The following AHNAK variants were observed in gnomAD, a reference collection of about 807,000 sequenced individuals.
The protein encoded by AHNAK is AHNAK nucleoprotein, also known as neuroblast differentiation-associated protein AHNAK.
AHNAK carries 23 observed loss-of-function variants against 37.8 expected under a neutral mutation model. The observed-to-expected ratio is 0.61, with a 90% CI of 0.44 to 0.86. The LOEUF (loss-of-function observed/expected upper bound fraction) is 0.86, where lower values mean the gene tolerates loss of function less well. AHNAK is among the 40% of genes least tolerant of loss of function. AHNAK has a pLI of 0.00. For missense variants in AHNAK, 7,411 were observed against 7,319.4 expected (o/e 1.01, Z -0.46); for synonymous variants, 2,481 against 2,636.3 (o/e 0.94, Z 1.80).
At chr11:62,492,123 C>A (rs1939514889) in intron 4 of AHNAK, among the ~76,000 whole-genome samples, 1 of 152,160 alleles carries the variant, frequency 6.6e-6, no homozygotes, top group South Asian at 2.1e-4. Flanking sequence ...TTCATCCACC[C>A]ACCAGACCCA....
chr11:62,534,418 C>T (rs1011696622), intron 4 of AHNAK, among the ~76,000 whole-genome samples: 1 of 152,206 alleles, frequency 6.6e-6, no homozygotes, highest in Non-Finnish European at 1.5e-5. Flanking sequence ...CCTTCAGCTC[C>T]CAACTCTCAA....
chr11:62,433,717 A>T, exon 6 of AHNAK: 1 of 843,894 alleles, frequency 1.2e-6, no homozygotes, highest in Non-Finnish European at 1.9e-6. Context: ...GGCTGGAGCT[A>T]TAAACATGCA....
Position 62,530,396 on chromosome 11 carries a change from C to T in AHNAK, c.4021G>A (p.Val1341Met), listed in dbSNP as rs1310750068. The T allele has an allele frequency of 1.9e-6, 3 of 1,614,136 alleles. No homozygotes were observed. The highest frequency in any genetic ancestry group is 2.5e-6 in the Non-Finnish European group (3 of 1,180,026). Residue 1341 changes from valine to methionine, a missense_variant, in exon 5 of 5, where the codon GTG (valine) becomes ATG (methionine). Coordinates refer to ENST00000378024, the MANE Select transcript of AHNAK (RefSeq NM_001620.3). ...NLKGPKLKGD[V>M]DVSLPEVEGE... ...TCTACCTCAGGCAAGGACACATCCACATCTCCCTTCAATTTTGGCCCCTTA... is the reference window on the plus strand; with the variant it reads ...TCTACCTCAGGCAAGGACACATCCATATCTCCCTTCAATTTTGGCCCCTTA...
Position 62,523,743 on chromosome 11 carries a change from T to C in AHNAK, c.10674A>G (p.Lys3558=), listed in dbSNP as rs1940363037. Reference sequence around the variant, plus strand: ...TGGGAAGAGAAATATCCACATCACCTTTCACCTTGGGGCCTTTCAAGTTTA... The same window carrying C: ...TGGGAAGAGAAATATCCACATCACCCTTCACCTTGGGGCCTTTCAAGTTTA... ...IDLNLKGPKV[K]GDVDISLPKL... is the part of the protein sequence containing the mutation. The change falls in exon 5 of 5, where the codon AAA becomes AAG. Residue 3558 remains lysine (K), a synonymous_variant. Coordinates refer to ENST00000378024, the MANE Select transcript of AHNAK (RefSeq NM_001620.3). 6.2e-7 allele frequency: 1 copy of C among 1,611,456 alleles called. No homozygotes were observed. The highest frequency in any genetic ancestry group is 8.5e-7 in the Non-Finnish European group (1 of 1,179,196).
chr11:62,523,859 C>G lies in AHNAK; in HGVS notation c.10558G>C (p.Glu3520Gln), dbSNP rs1217790420. 6 of 1,614,162 alleles carry G rather than the reference C, an allele frequency of 3.7e-6. No individual in the cohort carries two copies. The highest frequency in any genetic ancestry group is 5.1e-6 in the Non-Finnish European group (6 of 1,180,016). The change falls in exon 5 of 5, where the codon GAA becomes CAA. Residue 3520 changes from glutamate to glutamine, a missense_variant. Physicochemically the swap from Glu to Gln is conservative, Grantham distance 29. Transcript: ENST00000378024. ...CCTTTCAAGCCTCCCTCCGGACCTTCCACATTGAGATCTGGGCCCTCAATG... is the reference window on the plus strand; with the variant it reads ...CCTTTCAAGCCTCCCTCCGGACCTTGCACATTGAGATCTGGGCCCTCAATG... ...MNIEGPDLNVEGPEGGLKGPK... is the reference protein window; with the variant it reads ...MNIEGPDLNVQGPEGGLKGPK...
chr11:62,450,268 C>A (rs905359504), intron 5 of AHNAK, among the ~76,000 whole-genome samples: 2 of 152,012 alleles, frequency 1.3e-5, no homozygotes, highest in Non-Finnish European at 2.9e-5. Flanking sequence ...AGCAATTCTC[C>A]TGCCTCAGCC....
At chr11:62,474,017 A>T (rs1565206258) in intron 5 of AHNAK, among the ~76,000 whole-genome samples, 1 of 152,008 alleles carries the variant, frequency 6.6e-6, no homozygotes, top group Non-Finnish European at 1.5e-5. Flanking sequence ...AAAAATAGGT[A>T]AGTGAGGTGA....
Position 62,533,329 on chromosome 11 carries a change from A to T in AHNAK, c.1088T>A (p.Ile363Asn). 1 of 1,546,406 alleles carries T rather than the reference A, an allele frequency of 6.5e-7. No homozygotes were observed. Among genetic ancestry groups the T allele is most frequent in the Non-Finnish European group, 8.7e-7 (1 of 1,149,688 alleles). The change falls in exon 5 of 5, where the codon ATT becomes AAT. Residue 363 changes from isoleucine to asparagine, a missense_variant. By Grantham distance (149) the Ile-to-Asn change is moderately radical (BLOSUM62 -3). Transcript: ENST00000378024. ...QLEVSVPSAN[I>N]EGLEGKLKGP... is the part of the protein sequence containing the mutation. ...CTTCAGCTTCCCCTCAAGGCCCTCAATATTGGCAGAGGGCACACTGACTTC... is the reference window on the plus strand; with the variant it reads ...CTTCAGCTTCCCCTCAAGGCCCTCATTATTGGCAGAGGGCACACTGACTTC...
chr11:62,503,520 T>C (rs1466639585), intron 4 of AHNAK, among the ~76,000 whole-genome samples: 1 of 151,272 alleles, frequency 6.6e-6, no homozygotes, highest in Non-Finnish European at 1.5e-5. Flanking sequence ...GAGGCAGAGG[T>C]TGCAGTGAGC....
chr11:62,542,765 G>C (rs1026138323), intron 1 of AHNAK, among the ~76,000 whole-genome samples: 12 of 152,240 alleles, frequency 7.9e-5, no homozygotes, highest in African/African-American at 2.4e-4. Flanking sequence ...GGAAGAGTGG[G>C]CCTTTACCCA....
At chr11:62,444,541 G>T (rs7942143) in intron 5 of AHNAK, among the ~76,000 whole-genome samples, 23,091 of 152,304 alleles carry the variant, frequency 0.15, 1,894 homozygotes, top group Middle Eastern at 0.21. Context: ...GCAGCTGCTC[G>T]CCCTCCAGGA....
rs745369865 is a variant in AHNAK, at chr11:62,526,904, C to A, written c.7513G>T (p.Asp2505Tyr). The A allele has an allele frequency of 1.2e-6, 2 of 1,614,216 alleles. No individual in the cohort carries two copies. Among genetic ancestry groups the A allele is most frequent in the South Asian group, 1.1e-5 (1 of 91,084 alleles). The change falls in exon 5 of 5, where the codon GAC becomes TAC. Residue 2505 changes from aspartate to tyrosine, a missense_variant. Transcript: ENST00000378024. ...ATCTTGGGCATCTTCAGGTGCCAGT[C>A]TGGAGCTTGGACATCGGGGGCATTT... ...DVNAPDVQAP[D>Y]WHLKMPKMKM...
At chr11:62,460,253 C>T (rs1258806614) in intron 5 of AHNAK, among the ~76,000 whole-genome samples, 2 of 152,226 alleles carry the variant, frequency 1.3e-5, no homozygotes, top group African/African-American at 4.8e-5. Flanking sequence ...CACCACTGCA[C>T]TCCAGCCTGG....
chr11:62,455,153 C>CA (rs1443681317), intron 5 of AHNAK, among the ~76,000 whole-genome samples: 6 of 151,218 alleles, frequency 4.0e-5, no homozygotes, highest in African/African-American at 1.5e-4. Context: ...GGCTGGTGTC[C>CA]AACTCCTGAC....
In AHNAK at chr11:62,531,340, T is replaced by C. The variant is rs755591686; in HGVS notation, c.3077A>G (p.Asn1026Ser). The change falls in exon 5 of 5, where the codon AAT (asparagine) becomes AGT (serine). Residue 1026 changes from asparagine to serine, a missense_variant. By Grantham distance (46) the Asn-to-Ser change is conservative. Transcript: ENST00000378024. ...PEFDVNLSKA[N>S]VDISAPKVDT... The stretch of plus-strand genomic sequence containing the variant: ...TACTTTTGGTGCAGAAATGTCCACA[T>C]TCGCTTTGGACAGGTTCACATCAAA... 1 of 1,613,820 alleles carries C rather than the reference T, an allele frequency of 6.2e-7. No homozygotes were observed. The highest frequency in any genetic ancestry group is 8.5e-7 in the Non-Finnish European group (1 of 1,179,960).
intron 5 of AHNAK, among the ~76,000 whole-genome samples, chr11:62,448,595 T>A (rs1275945623): frequency 6.6e-6 from 1 of 152,028 alleles, no homozygotes; most frequent in Non-Finnish European, 1.5e-5. Context: ...TTTGTTGAGA[T>A]GGAGAAGCAG....
At chr11:62,535,287 A>C in intron 3 of AHNAK, 97 bp from the exon 4 acceptor site, 51 of 1,115,182 alleles carry the variant, frequency 4.6e-5, no homozygotes, top group Non-Finnish European at 6.1e-5. Context: ...ACTTGAACTC[A>C]TGACCACCCT....
chr11:62,441,160 C>T (rs1938297692), intron 5 of AHNAK, among the ~76,000 whole-genome samples: 2 of 151,924 alleles, frequency 1.3e-5, no homozygotes, highest in African/African-American at 4.8e-5. Flanking sequence ...GCCACCACGC[C>T]CGGCTAAATT....
At chr11:62,498,411 TA>T (rs1939652655) in intron 4 of AHNAK, among the ~76,000 whole-genome samples, 1 of 137,904 alleles carries the variant, frequency 7.3e-6, no homozygotes, top group African/African-American at 2.9e-5. Context: ...TAAATGTAAT[TA>T]TAATTACACT....
Sources: gnomAD v4.1 joint callset for allele counts (sites outside exome capture counted in the v4.1 genomes callset) on GRCh38, gnomAD v4.1.1 for gene constraint, MANE v1.5 for transcripts, NCBI Gene and HGNC (gene_info 2026-07-23, HGNC 2026-07-21) for gene names.